BICC1: variants seen among roughly 807,000 people sequenced by gnomAD.
The protein encoded by BICC1 is BicC family RNA binding protein 1, also known as protein bicaudal C homolog 1.
BICC1 carries 43 observed loss-of-function variants against 111.0 expected under a neutral mutation model. The observed-to-expected ratio is 0.39, with a 90% CI of 0.30 to 0.50. BICC1 has a LOEUF of 0.50. Ranked by LOEUF, BICC1 falls within the 20% of genes least tolerant of loss-of-function variation. The probability of loss-of-function intolerance (pLI) is 0.88; values close to 1 mark genes in which losing one functional copy is unlikely to be tolerated. For synonymous variants in BICC1, 467 were observed against 434.4 expected (o/e 1.07, Z -0.93); for missense variants, 1,091 against 1,203.2 (o/e 0.91, Z 1.38).
intron 17 of BICC1, among the ~76,000 whole-genome samples, chr10:58,807,562 G>A (rs980152825): frequency 1.3e-5 from 2 of 152,178 alleles, no homozygotes; most frequent in African/African-American, 4.8e-5. Context: ...AACAAAAATA[G>A]GTTTTCAGAT....
At chr10:58,817,935 T>C (rs1019003318) in intron 19 of BICC1, among the ~76,000 whole-genome samples, 1 of 152,176 alleles carries the variant, frequency 6.6e-6, no homozygotes, top group African/African-American at 2.4e-5. Context: ...AAATCATACT[T>C]GCAGAAAAAT....
chr10:58,545,425 T>A (rs909929376), intron 1 of BICC1, among the ~76,000 whole-genome samples: 12 of 152,270 alleles, frequency 7.9e-5, no homozygotes, highest in African/African-American at 2.4e-4. Flanking sequence ...TGGATCCTAC[T>A]TTACATAAAT....
intron 3 of BICC1, among the ~76,000 whole-genome samples, chr10:58,761,940 G>A (rs1842328189): frequency 6.6e-6 from 1 of 152,136 alleles, no homozygotes; most frequent in South Asian, 2.1e-4. Flanking sequence ...AAAGAACCAG[G>A]AGTCTAAAGT....
intron 1 of BICC1, among the ~76,000 whole-genome samples, chr10:58,604,783 C>G (rs1168953028): frequency 6.6e-6 from 1 of 152,176 alleles, no homozygotes; most frequent in Non-Finnish European, 1.5e-5. Context: ...GCTGCTATAG[C>G]AGAATACCAT....
At chr10:58,596,310 A>G (rs893033183) in intron 1 of BICC1, among the ~76,000 whole-genome samples, 1 of 152,124 alleles carries the variant, frequency 6.6e-6, no homozygotes, top group Non-Finnish European at 1.5e-5. Flanking sequence ...AATCACAAAA[A>G]CCATGTGATT....
chr10:58,553,208 G>A (rs553725190), intron 1 of BICC1, among the ~76,000 whole-genome samples: 44 of 152,222 alleles, frequency 2.9e-4, no homozygotes, highest in Non-Finnish European at 1.8e-4. Flanking sequence ...CCATGGCAAG[G>A]GGAATTAGGT....
chr10:58,801,372 A>T (rs1843542082), intron 14 of BICC1, among the ~76,000 whole-genome samples: 1 of 152,168 alleles, frequency 6.6e-6, no homozygotes, highest in South Asian at 2.1e-4. Context: ...TGCTGTTAGA[A>T]ATTTTCCCAC....
chr10:58,525,304 G>C (rs574107133), intron 1 of BICC1, among the ~76,000 whole-genome samples: 12 of 117,358 alleles, frequency 1.0e-4, no homozygotes. Context: ...CAAAGACTTG[G>C]AACCAACCCA....
intron 3 of BICC1, among the ~76,000 whole-genome samples, chr10:58,738,019 G>T (rs530617085): frequency 2.0e-5 from 3 of 152,126 alleles, no homozygotes; most frequent in South Asian, 4.2e-4. Flanking sequence ...TTGCGAAAAT[G>T]TTCTCCCATT....
intron 1 of BICC1, among the ~76,000 whole-genome samples, chr10:58,587,413 T>A (rs1305638887): frequency 1.3e-5 from 2 of 152,196 alleles, no homozygotes; most frequent in African/African-American, 4.8e-5. Flanking sequence ...GAAAGCTATT[T>A]TTAATATTCA....
rs574301808 is a variant in BICC1 at position 58,590,676 on chromosome 10, A to G, written c.191-30179A>G. Among the ~76,000 whole-genome samples, 3 of 152,318 alleles carry G rather than the reference A, an allele frequency of 2.0e-5. No individual in the cohort carries two copies. The South Asian group carries it at 6.2e-4, about 32-fold the overall frequency. ...AAAAAAAAATTTTTCTCTCACTGCA[A>G]ATCCACAGCCTAATGGAAAGTGCTC... On this transcript the variant is annotated intron_variant, in intron 1 of 20. Transcript: ENST00000373886.
At position 58,825,034 on chromosome 10, in the gene BICC1, C is replaced by A. The variant is rs1002743269; in HGVS notation, c.2795-3727C>A. Among the ~76,000 whole-genome samples the A allele has an allele frequency of 5.9e-5, 9 of 152,266 alleles. No individual in the cohort carries two copies. The East Asian group carries it at 1.5e-3, about 26-fold the overall frequency. ...CAGTGTTTTCAGAGTACTCTAATTT[C>A]TTTACCATTCAAATAGGGCACCTCA... On this transcript the variant is annotated intron_variant, in intron 20 of 20. Coordinates refer to ENST00000373886, the MANE Select transcript of BICC1 (RefSeq NM_001080512.3).
rs1202556984 is a variant in BICC1, at chr10:58,769,400, G to GTATATATATATATATA, written c.308-15600_308-15599insATATATATATATATAT. Among the ~76,000 whole-genome samples the GTATATATATATATATA allele has an allele frequency of 7.8e-3, 823 of 106,032 alleles. 7 individuals carry two copies. The highest frequency in any genetic ancestry group is 0.015 in the South Asian group (45 of 2,934). 69.6% of individuals were successfully genotyped at this position (106,032 alleles called of 152,430 possible). ...TATGTGTGTGTGTGTGTGTGTGTGT[G>GTATATATATATATATA]TGTGTATATATATATATATATATAT... On this transcript the variant is annotated intron_variant, in intron 3 of 20. Coordinates refer to ENST00000373886, the MANE Select transcript of BICC1 (RefSeq NM_001080512.3).
At chr10:58,782,444 C>G (rs1207596168) in intron 3 of BICC1, among the ~76,000 whole-genome samples, 1 of 152,152 alleles carries the variant, frequency 6.6e-6, no homozygotes, top group Non-Finnish European at 1.5e-5. Context: ...TCTGCTGTTT[C>G]TGTACTTGAG....
intron 2 of BICC1, among the ~76,000 whole-genome samples, chr10:58,677,308 A>G (rs1472768690): frequency 6.6e-6 from 1 of 152,228 alleles, no homozygotes; most frequent in Non-Finnish European, 1.5e-5. Context: ...AACCTTGTTA[A>G]AGGTTACAGG....
At chr10:58,820,529 C>G (rs1844223602) in intron 20 of BICC1, 61 bp downstream of exon 20, 2 of 1,261,726 alleles carry the variant, frequency 1.6e-6, no homozygotes, top group Non-Finnish European at 2.3e-6. Context: ...GTGGTCTCAG[C>G]CATTGGGTTG....
chr10:58,749,464 C>G (rs1185910033), intron 3 of BICC1, among the ~76,000 whole-genome samples: 1 of 152,038 alleles, frequency 6.6e-6, no homozygotes, highest in Non-Finnish European at 1.5e-5. Context: ...GAATATACAG[C>G]AAAATAAGCA....
intron 4 of BICC1, among the ~76,000 whole-genome samples, chr10:58,786,574 T>C (rs988284155): frequency 6.6e-6 from 1 of 152,222 alleles, no homozygotes; most frequent in Non-Finnish European, 1.5e-5. Flanking sequence ...CATCTGTTTT[T>C]AGTTATTTGA....
intron 20 of BICC1, among the ~76,000 whole-genome samples, chr10:58,827,558 C>T (rs1366783337): frequency 3.3e-5 from 5 of 152,200 alleles, no homozygotes; most frequent in South Asian, 2.1e-4. Context: ...GACTTGATGG[C>T]GATGCATGTT....
Sources: gnomAD v4.1 joint callset for allele counts (sites outside exome capture counted in the v4.1 genomes callset) on GRCh38, gnomAD v4.1.1 for gene constraint, MANE v1.5 for transcripts, NCBI Gene and HGNC (gene_info 2026-07-23, HGNC 2026-07-21) for gene names.